The following GPR158 variants were observed in gnomAD, a reference collection of about 807,000 sequenced individuals.
GPR158 encodes the protein metabotropic glycine receptor.
GPR158 carries 30 observed loss-of-function variants against 78.2 expected under a neutral mutation model. That is an observed-to-expected ratio of 0.38 (90% confidence interval 0.29 to 0.52). The LOEUF (loss-of-function observed/expected upper bound fraction) is 0.52, where lower values mean the gene tolerates loss of function less well. Among genes scored for constraint, GPR158 ranks in the 20% least tolerant of loss-of-function variants. GPR158 has a pLI of 0.83. For missense variants in GPR158, 1,463 were observed against 1,523.5 expected (o/e 0.96, Z 0.66); for synonymous variants, 581 against 591.1 (o/e 0.98, Z 0.25).
Position 25,532,536 on chromosome 10 carries a change from G to A in GPR158, c.1405-18440G>A, listed in dbSNP as rs117397377. ...AGATTCTCTTGCTTCTCCTTGGGTC[G>A]TTTTCTGTATCTTTCCACCTCCACA... On this transcript the variant is annotated intron_variant, in intron 5 of 10. Coordinates refer to ENST00000376351, the MANE Select transcript of GPR158 (RefSeq NM_020752.3). Among the ~76,000 whole-genome samples the A allele has an allele frequency of 5.3e-5, 8 of 151,972 alleles. No individual in the cohort carries two copies. The East Asian group carries it at 7.7e-4, about 15-fold the overall frequency.
chr10:25,530,721 A>G (rs551197134), intron 5 of GPR158, among the ~76,000 whole-genome samples: 2 of 152,336 alleles, frequency 1.3e-5, no homozygotes, highest in South Asian at 2.1e-4. Context: ...TTTTGATGCA[A>G]TAAGACATCT....
intron 2 of GPR158, among the ~76,000 whole-genome samples, chr10:25,281,141 A>AT (rs1176493522): frequency 6.6e-6 from 1 of 151,784 alleles, no homozygotes; most frequent in Non-Finnish European, 1.5e-5. Flanking sequence ...ATCTCAAAAA[A>AT]AAAAAAAAAA....
At chr10:25,197,707 T>A (rs1852862110) in intron 1 of GPR158, among the ~76,000 whole-genome samples, 1 of 152,236 alleles carries the variant, frequency 6.6e-6, no homozygotes, top group Non-Finnish European at 1.5e-5. Context: ...TCTTATTTCT[T>A]CTTCCCTGGC....
At chr10:25,481,837 G>C (rs1468931730) in intron 5 of GPR158, among the ~76,000 whole-genome samples, 1 of 152,134 alleles carries the variant, frequency 6.6e-6, no homozygotes, top group Non-Finnish European at 1.5e-5. Flanking sequence ...GTGTGAATTG[G>C]TAGCTTATTG....
chr10:25,216,694 A>C (rs1853220450), intron 1 of GPR158, among the ~76,000 whole-genome samples: 1 of 152,146 alleles, frequency 6.6e-6, no homozygotes, highest in African/African-American at 2.4e-5. Context: ...ATTATGGGAG[A>C]ATAAGGGACT....
chr10:25,562,428 A>T lies in GPR158; in HGVS notation c.1515-10221A>T, dbSNP rs1043195777. On this transcript the variant is annotated intron_variant, in intron 6 of 10. Transcript: ENST00000376351. ...TTTTCATATAAACATTTGCAGTTATAAATTTACCTCAATCACTGCATTTAC... is the reference window on the plus strand; with the variant it reads ...TTTTCATATAAACATTTGCAGTTATTAATTTACCTCAATCACTGCATTTAC... Among the ~76,000 whole-genome samples, 14 of 152,326 alleles carry T rather than the reference A, an allele frequency of 9.2e-5. No homozygotes were observed. In the Middle Eastern group the frequency reaches 0.014, roughly 148 times the overall value.
At chr10:25,180,993 A>G (rs2130628088) in intron 1 of GPR158, among the ~76,000 whole-genome samples, 1 of 152,308 alleles carries the variant, frequency 6.6e-6, no homozygotes, top group South Asian at 2.1e-4. Flanking sequence ...TGCTCACTTC[A>G]CTTTCTCTCC....
chr10:25,538,748 A>T (rs1264398291), intron 5 of GPR158, among the ~76,000 whole-genome samples: 3 of 152,098 alleles, frequency 2.0e-5, no homozygotes, highest in Non-Finnish European at 2.9e-5. Context: ...TTATTTTTTC[A>T]CTAAACATAA....
At chr10:25,347,683 T>G (rs1052164973) in intron 2 of GPR158, among the ~76,000 whole-genome samples, 4 of 152,084 alleles carry the variant, frequency 2.6e-5, no homozygotes, top group African/African-American at 9.7e-5. Flanking sequence ...AGGCCACATA[T>G]TTTAATAATT....
intron 1 of GPR158, among the ~76,000 whole-genome samples, chr10:25,202,443 C>T (rs1249177797): frequency 1.3e-5 from 2 of 152,104 alleles, no homozygotes; most frequent in African/African-American, 4.8e-5. Flanking sequence ...GTGATGTTCC[C>T]CTTCCTGTGT....
chr10:25,226,818 A>G (rs1853378694), intron 2 of GPR158, among the ~76,000 whole-genome samples: 1 of 152,224 alleles, frequency 6.6e-6, no homozygotes, highest in Non-Finnish European at 1.5e-5. Flanking sequence ...CCTCTAATGC[A>G]TGGCCATCGC....
intron 2 of GPR158, among the ~76,000 whole-genome samples, chr10:25,348,258 C>T (rs1438876751): frequency 2.6e-5 from 4 of 151,798 alleles, no homozygotes; most frequent in Non-Finnish European, 5.9e-5. Context: ...GGTAGGAGGC[C>T]TTTAGGGATA....
At chr10:25,378,190 A>C (rs1369349818) in intron 2 of GPR158, among the ~76,000 whole-genome samples, 1 of 152,138 alleles carries the variant, frequency 6.6e-6, no homozygotes, top group African/African-American at 2.4e-5. Context: ...GGAACAGAGA[A>C]TGATACGAGC....
intron 2 of GPR158, among the ~76,000 whole-genome samples, chr10:25,360,926 C>G (rs1295025804): frequency 6.6e-6 from 1 of 151,994 alleles, no homozygotes; most frequent in Non-Finnish European, 1.5e-5. Flanking sequence ...TTTGTGTCCT[C>G]TCTTATTTCG....
intron 4 of GPR158, among the ~76,000 whole-genome samples, chr10:25,422,628 C>CAAAA (rs10634150): frequency 0.43 from 61,094 of 142,538 alleles, 14,754 homozygotes; most frequent in Non-Finnish European, 0.57. Flanking sequence ...ATTGTATTTG[C>CAAAA]AAAAAAAAAA....
intron 2 of GPR158, among the ~76,000 whole-genome samples, chr10:25,249,313 T>C (rs1853754438): frequency 6.6e-6 from 1 of 152,226 alleles, no homozygotes; most frequent in Non-Finnish European, 1.5e-5. Context: ...TTCCTTCTCC[T>C]GCCTAATCGC....
intron 1 of GPR158, among the ~76,000 whole-genome samples, chr10:25,202,877 TA>T (rs1185474858): frequency 2.6e-5 from 4 of 152,214 alleles, no homozygotes; most frequent in Non-Finnish European, 4.4e-5. Context: ...ACCAACAGTG[TA>T]AAAGTGTCCC....
At chr10:25,358,733 C>T (rs899548300) in intron 2 of GPR158, among the ~76,000 whole-genome samples, 2 of 152,040 alleles carry the variant, frequency 1.3e-5, no homozygotes, top group Non-Finnish European at 2.9e-5. Flanking sequence ...CAGACTAATA[C>T]AAGTATGTTG....
chr10:25,564,007 A>C (rs1836895290), intron 6 of GPR158, among the ~76,000 whole-genome samples: 2 of 152,108 alleles, frequency 1.3e-5, no homozygotes. Flanking sequence ...GTAAATCCAA[A>C]AATCAGATTC....
Sources: allele counts gnomAD v4.1 joint callset (sites outside exome capture counted in the v4.1 genomes callset), GRCh38; gene constraint gnomAD v4.1.1; transcripts MANE v1.5; gene names NCBI Gene and HGNC (gene_info 2026-07-23, HGNC 2026-07-21).